The following SLC30A6 variants were observed in gnomAD, a reference collection of about 807,000 sequenced individuals.
SLC30A6 encodes zinc transporter 6.
SLC30A6 carries 55 observed loss-of-function variants against 63.0 expected under a neutral mutation model. The ratio of observed to expected loss-of-function variants is 0.87; its 90% CI spans 0.70 to 1.09. The LOEUF is 1.09. Ranked by LOEUF, SLC30A6 falls within the 50% of genes least tolerant of loss-of-function variation. The pLI, the probability that SLC30A6 is intolerant of heterozygous loss-of-function variation, is 0.00. For synonymous variants in SLC30A6, 224 were observed against 186.1 expected (o/e 1.20, Z -1.66); for missense variants, 587 against 549.2 (o/e 1.07, Z -0.69).
chr2:32,188,801 TGATA>T (rs1328472125), intron 5 of SLC30A6, among the ~76,000 whole-genome samples: 4 of 152,248 alleles, frequency 2.6e-5, no homozygotes, highest in Non-Finnish European at 5.9e-5. Flanking sequence ...ATCTGGATCA[TGATA>T]TAGAACATTA....
chr2:32,184,012 C>G (rs1412550107), intron 4 of SLC30A6, among the ~76,000 whole-genome samples: 1 of 152,146 alleles, frequency 6.6e-6, no homozygotes, highest in Non-Finnish European at 1.5e-5. Context: ...TTCTACTTTA[C>G]TGACTTGATG....
chr2:32,194,768 T>C (rs527721239), intron 8 of SLC30A6, among the ~76,000 whole-genome samples: 1 of 152,194 alleles, frequency 6.6e-6, no homozygotes, highest in Non-Finnish European at 1.5e-5. Flanking sequence ...GAAGATAAAT[T>C]GTGTTTGTAT....
In SLC30A6 at chr2:32,203,535, C is replaced by G. The variant is rs1299054825; in HGVS notation, c.666-1055C>G. On this transcript the variant is annotated intron_variant, in intron 10 of 13. Coordinates refer to ENST00000282587, the MANE Select transcript of SLC30A6 (RefSeq NM_017964.5). ...GGTGCATCAGGCTTTGAACCACGAT[C>G]TTTGATCACCTCTGATAGGGATTTG... 8 of 1,606,212 alleles carry G rather than the reference C, an allele frequency of 5.0e-6. No homozygotes were observed. The South Asian group carries it at 8.8e-5, about 18-fold the overall frequency.
chr2:32,217,949 C>T (rs527779741), intron 13 of SLC30A6, among the ~76,000 whole-genome samples: 3 of 152,140 alleles, frequency 2.0e-5, no homozygotes, highest in Admixed American at 1.3e-4. Flanking sequence ...AATTCTCCCA[C>T]CTCAGCCTCC....
At chr2:32,192,774 C>G (rs1683446693) in intron 6 of SLC30A6, 144 bp from the exon 7 acceptor site, 6 of 519,314 alleles carry the variant, frequency 1.2e-5, no homozygotes, top group Admixed American at 3.8e-5. Context: ...ATTTATGAGT[C>G]TCCTTGCCTC....
chr2:32,176,970 G>A (rs1161882910), intron 4 of SLC30A6, among the ~76,000 whole-genome samples: 2 of 151,186 alleles, frequency 1.3e-5, no homozygotes, highest in Admixed American at 6.6e-5. Context: ...ACGGGGTGTC[G>A]CCATGTTGGC....
Position 32,221,680 on chromosome 2 carries a change from T to G in SLC30A6, c.*967T>G, listed in dbSNP as rs1216502333. ...ATTCTATCTAGCACAATTTGAATTTTTAATTATCAAGATTTTTGTTAAAGT... is the reference window on the plus strand; with the variant it reads ...ATTCTATCTAGCACAATTTGAATTTGTAATTATCAAGATTTTTGTTAAAGT... On this transcript the variant is annotated 3_prime_UTR_variant, in exon 14 of 14. Transcript: ENST00000282587. The G allele has an allele frequency of 6.6e-6, 1 of 152,218 alleles. No homozygotes were observed. The highest frequency in any genetic ancestry group is 2.4e-5 in the African/African-American group (1 of 41,466). 9.4% of individuals were successfully genotyped at this position (152,218 alleles called of 1,614,324 possible). A position where few individuals can be genotyped will look rare whatever the true frequency, so the allele number is the denominator to read the frequency against.
chr2:32,220,611 T>TG lies in SLC30A6; in HGVS notation c.1286dup (p.Val430SerfsTer20). 1 of 1,614,214 alleles carries TG rather than the reference T, an allele frequency of 6.2e-7. No individual in the cohort carries two copies. Among genetic ancestry groups the TG allele is most frequent in the Non-Finnish European group, 8.5e-7 (1 of 1,180,030 alleles). On this transcript the variant is annotated frameshift_variant, in exon 14 of 14. Transcript: ENST00000282587. LOFTEE classifies it high-confidence loss of function. ...ACAGCAGCATGCTTAATCAAGGACT[T>TG]GGAGTTCCAGGAATTGGAGCAACTC...
chr2:32,218,355 G>A (rs1420767928), intron 13 of SLC30A6, among the ~76,000 whole-genome samples: 1 of 152,096 alleles, frequency 6.6e-6, no homozygotes, highest in Non-Finnish European at 1.5e-5. Flanking sequence ...GTAATGCCTG[G>A]TGTTCTCTAT....
intron 8 of SLC30A6, among the ~76,000 whole-genome samples, chr2:32,195,255 A>G (rs1683682611): frequency 6.6e-6 from 1 of 152,220 alleles, no homozygotes; most frequent in South Asian, 2.1e-4. Context: ...TTTAGCAGAG[A>G]CGGGGTTTCC....
chr2:32,189,281 C>CTTTTTTTTTTTT lies in SLC30A6; in HGVS notation c.285-3047_285-3036dup, dbSNP rs61221362. Among the ~76,000 whole-genome samples the CTTTTTTTTTTTT allele has an allele frequency of 7.0e-5, 8 of 114,846 alleles. 2 individuals are homozygous for CTTTTTTTTTTTT. The highest frequency in any genetic ancestry group is 1.0e-4 in the Non-Finnish European group (6 of 57,180). 75.3% of individuals were successfully genotyped at this position (114,846 alleles called of 152,430 possible). On this transcript the variant is annotated intron_variant, in intron 5 of 13. Coordinates refer to ENST00000282587, the MANE Select transcript of SLC30A6 (RefSeq NM_017964.5). Reference sequence around the variant, plus strand: ...TGTCCTTGACAACAGTTGATACTGTCTTTTTTTTTTTTTTTTTTTCTTTTT... The same window carrying CTTTTTTTTTTTT: ...TGTCCTTGACAACAGTTGATACTGTCTTTTTTTTTTTTTTTTTTTTTTTTTTTTTTTCTTTTT...
At chr2:32,166,492 G>T (rs1030754061) in intron 1 of SLC30A6, among the ~76,000 whole-genome samples, 1 of 152,218 alleles carries the variant, frequency 6.6e-6, no homozygotes, top group African/African-American at 2.4e-5. Flanking sequence ...ACTAATGGAA[G>T]ACCCAGTAGA....
At position 32,171,216 on chromosome 2, in the gene SLC30A6, TATATC is replaced by T; in HGVS notation, c.4-62_4-58del. 11 of 1,272,750 alleles carry T rather than the reference TATATC, an allele frequency of 8.6e-6. No individual in the cohort carries two copies. The Admixed American group carries it at 1.4e-4, about 16-fold the overall frequency. The allele number at this position is 1,272,750 out of a possible 1,614,324, so 78.8% of individuals were successfully genotyped here. A position where few individuals can be genotyped will look rare whatever the true frequency, so the allele number is the denominator to read the frequency against. ...TGGTTATTTATATCATAGGAACCAC[TATATC>T]ATATCATAGGAACTCTGAAGATGAT... On this transcript the variant is annotated intron_variant, in intron 1 of 13. Transcript: ENST00000282587.
At chr2:32,202,266 A>T in intron 10 of SLC30A6, 1 of 595,936 alleles carries the variant, frequency 1.7e-6, no homozygotes, top group Non-Finnish European at 2.8e-6. Context: ...CGGGAACAGG[A>T]AAGAAAGACA....
chr2:32,203,305 T>G, intron 10 of SLC30A6: 4 of 921,400 alleles, frequency 4.3e-6, no homozygotes, highest in Non-Finnish European at 7.3e-6. Flanking sequence ...AACTAAGATA[T>G]GTGGAACAAA....
chr2:32,213,796 C>CTTTTTTTTTTTTTTTTTTTTTTTTTTT lies in SLC30A6; in HGVS notation c.885+4249_885+4250insTTTTTTTTTTTTTTTTTTTTTTTTTTT, dbSNP rs767073182. Among the ~76,000 whole-genome samples the CTTTTTTTTTTTTTTTTTTTTTTTTTTT allele has an allele frequency of 1.2e-4, 13 of 106,778 alleles. 4 individuals are homozygous for CTTTTTTTTTTTTTTTTTTTTTTTTTTT. Among genetic ancestry groups the CTTTTTTTTTTTTTTTTTTTTTTTTTTT allele is most frequent in the Non-Finnish European group, 1.2e-4 (7 of 56,788 alleles). The allele number at this position is 106,778 out of a possible 152,430, so 70.1% of individuals were successfully genotyped here. A position where few individuals can be genotyped will look rare whatever the true frequency, so the allele number is the denominator to read the frequency against. On this transcript the variant is annotated intron_variant, in intron 13 of 13. Transcript: ENST00000282587. ...CCTATATTAACAGGTCTAGGATAAA[C>CTTTTTTTTTTTTTTTTTTTTTTTTTTT]TTTTTTTTTTTTTTGTTTTTGTTTT...
intron 5 of SLC30A6, among the ~76,000 whole-genome samples, chr2:32,186,947 G>A (rs1682874856): frequency 7.0e-6 from 1 of 143,872 alleles, no homozygotes; most frequent in Non-Finnish European, 1.5e-5. Flanking sequence ...CAGTGAGTGA[G>A]ATGGTGCCAC....
intron 8 of SLC30A6, 102 bp from the exon 9 acceptor site, chr2:32,197,242 A>T: frequency 2.0e-6 from 2 of 981,108 alleles, no homozygotes; most frequent in Non-Finnish European, 3.0e-6. Context: ...AATGTTATTC[A>T]GTCACTGCCA....
intron 4 of SLC30A6, among the ~76,000 whole-genome samples, chr2:32,179,773 C>T (rs1682122238): frequency 1.3e-5 from 2 of 152,078 alleles, no homozygotes; most frequent in African/African-American, 4.8e-5. Context: ...ACACACTACA[C>T]TCATTCATTT....
Sources: gnomAD v4.1 joint callset for allele counts (sites outside exome capture counted in the v4.1 genomes callset) on GRCh38, gnomAD v4.1.1 for gene constraint, MANE v1.5 for transcripts, NCBI Gene and HGNC (gene_info 2026-07-23, HGNC 2026-07-21) for gene names.